Variants in KIF6 observed in about 807,000 individuals in gnomAD.
KIF6 encodes the protein kinesin family member 6.
Under a neutral mutation model 112.7 loss-of-function variants are expected in KIF6, and 106 were observed. The observed-to-expected ratio is 0.94, with a 90% CI of 0.80 to 1.11. The LOEUF is 1.11. KIF6 is among the 50% of genes least tolerant of loss of function. The pLI is 0.00. For missense variants in KIF6, 929 were observed against 964.0 expected, an observed-to-expected ratio of 0.96 and a Z score of 0.48; for synonymous variants, 339 against 339.9, an observed-to-expected ratio of 1.00 and a Z score of 0.03.
At chr6:39,436,213 G>GT (rs869156824) in intron 13 of KIF6, among the ~76,000 whole-genome samples, 13 of 151,458 alleles carry the variant, frequency 8.6e-5, no homozygotes, top group African/African-American at 2.2e-4. Flanking sequence ...AGGATTATTT[G>GT]TTTTTTTTCT....
chr6:39,623,166 T>C (rs578063890), intron 5 of KIF6, among the ~76,000 whole-genome samples: 1 of 152,358 alleles, frequency 6.6e-6, no homozygotes, highest in Non-Finnish European at 1.5e-5. Flanking sequence ...ATCTGTTTAA[T>C]TTAGAAGTAG....
At chr6:39,401,620 C>T (rs1008157138) in intron 15 of KIF6, among the ~76,000 whole-genome samples, 12 of 151,882 alleles carry the variant, frequency 7.9e-5, no homozygotes, top group Admixed American at 3.3e-4. Flanking sequence ...TGAGTCCTCC[C>T]GGGGCAGGGG....
At chr6:39,569,115 G>A (rs1254136495) in intron 10 of KIF6, among the ~76,000 whole-genome samples, 1 of 152,162 alleles carries the variant, frequency 6.6e-6, no homozygotes, top group Non-Finnish European at 1.5e-5. Context: ...TGTGGAGGAT[G>A]AGTCATGATT....
intron 3 of KIF6, among the ~76,000 whole-genome samples, chr6:39,677,177 T>C (rs1787194835): frequency 6.6e-6 from 1 of 152,094 alleles, no homozygotes; most frequent in Non-Finnish European, 1.5e-5. Context: ...ACCTATAATT[T>C]TGTAAAATAG....
intron 13 of KIF6, among the ~76,000 whole-genome samples, chr6:39,477,125 C>A (rs1317005987): frequency 6.6e-6 from 1 of 152,126 alleles, no homozygotes; most frequent in Non-Finnish European, 1.5e-5. Flanking sequence ...TGCTCAACCT[C>A]ACTCATAATA....
intron 15 of KIF6, among the ~76,000 whole-genome samples, chr6:39,393,560 G>C (rs137978668): frequency 5.9e-5 from 9 of 152,200 alleles, no homozygotes; most frequent in African/African-American, 1.9e-4. Context: ...AGCATAAAAT[G>C]TAAATAAAAT....
intron 5 of KIF6, among the ~76,000 whole-genome samples, chr6:39,616,746 T>C (rs1201171206): frequency 1.3e-5 from 2 of 152,184 alleles, no homozygotes; most frequent in African/African-American, 4.8e-5. Context: ...CCTTTGCTCA[T>C]AGAAGCCCAG....
At chr6:39,351,298 T>C (rs1764228337) in intron 19 of KIF6, among the ~76,000 whole-genome samples, 1 of 151,840 alleles carries the variant, frequency 6.6e-6, no homozygotes, top group South Asian at 2.1e-4. Context: ...GGTGCAGATC[T>C]TGGCTCACTA....
At chr6:39,665,220 A>G (rs1304120155) in intron 3 of KIF6, among the ~76,000 whole-genome samples, 1 of 152,228 alleles carries the variant, frequency 6.6e-6, no homozygotes, top group Non-Finnish European at 1.5e-5. Context: ...TCAGTTATCC[A>G]AAGAGCCAAA....
chr6:39,425,614 A>G (rs996217872), intron 14 of KIF6, among the ~76,000 whole-genome samples: 4 of 151,578 alleles, frequency 2.6e-5, no homozygotes, highest in Non-Finnish European at 4.4e-5. Flanking sequence ...GGCTGCCAAG[A>G]TTTCTCAAAG....
At chr6:39,572,621 G>C (rs1582164952) in intron 10 of KIF6, among the ~76,000 whole-genome samples, 1 of 149,056 alleles carries the variant, frequency 6.7e-6, no homozygotes, top group East Asian at 2.0e-4. Context: ...ATTTGGGTCA[G>C]GATACAATGC....
chr6:39,675,792 C>G, intron 3 of KIF6, among the ~76,000 whole-genome samples: 1 of 151,254 alleles, frequency 6.6e-6, no homozygotes, highest in Non-Finnish European at 1.5e-5. Context: ...AAAAAATGAC[C>G]AAGTAGAACT....
intron 14 of KIF6, among the ~76,000 whole-genome samples, chr6:39,428,413 G>T (rs888794717): frequency 6.6e-6 from 1 of 152,200 alleles, no homozygotes; most frequent in Non-Finnish European, 1.5e-5. Flanking sequence ...AAAAATTCAT[G>T]TCTTACAACA....
chr6:39,593,692 CT>C (rs1782076287), intron 7 of KIF6, among the ~76,000 whole-genome samples: 1 of 152,178 alleles, frequency 6.6e-6, no homozygotes. Context: ...ATTCATCCCC[CT>C]GGGCTGGAAC....
chr6:39,447,778 C>T (rs143758246), intron 13 of KIF6, among the ~76,000 whole-genome samples: 24 of 152,296 alleles, frequency 1.6e-4, no homozygotes, highest in South Asian at 2.1e-4. Context: ...TCTCAATTCC[C>T]CCACTTCCTG....
In KIF6 at chr6:39,587,863, C is replaced by T. The variant is rs77989218; in HGVS notation, c.847-1459G>A. Among the ~76,000 whole-genome samples the T allele has an allele frequency of 0.014, 2,075 of 152,302 alleles. 248 individuals carry two copies. In the East Asian group the frequency reaches 0.29, roughly 21 times the overall value. On this transcript the variant is annotated intron_variant, in intron 7 of 22. Coordinates refer to ENST00000287152, the MANE Select transcript of KIF6 (RefSeq NM_145027.6). The stretch of plus-strand genomic sequence containing the variant: ...TTTCATCTGGACAATTCCCATTCTG[C>T]ATGCCCACTACAGTCCTAAACTAAG...
At chr6:39,516,681 T>C (rs1777104063) in intron 13 of KIF6, among the ~76,000 whole-genome samples, 1 of 152,196 alleles carries the variant, frequency 6.6e-6, no homozygotes, top group Non-Finnish European at 1.5e-5. Context: ...GTATTACTTG[T>C]GAAATTTAAA....
At position 39,391,101 on chromosome 6, in the gene KIF6, C is replaced by T. The variant is rs905193496; in HGVS notation, c.1811-5429G>A. Among the ~76,000 whole-genome samples the T allele has an allele frequency of 8.5e-5, 13 of 152,188 alleles. 1 individual carries two copies. Among genetic ancestry groups the T allele is most frequent in the Non-Finnish European group, 1.8e-4 (12 of 68,030 alleles). On this transcript the variant is annotated intron_variant, in intron 15 of 22. Transcript: ENST00000287152. ...TGTATTGAGTCAGGAACTACCTCTT[C>T]TCACCATAGCAGTGGTGGATAAAAT...
chr6:39,598,627 A>G (rs1181173504), intron 6 of KIF6, among the ~76,000 whole-genome samples: 5 of 151,926 alleles, frequency 3.3e-5, no homozygotes. Context: ...CTATATATCT[A>G]TATATGCGCA....
Sources: gnomAD v4.1 joint callset for allele counts (sites outside exome capture counted in the v4.1 genomes callset) on GRCh38, gnomAD v4.1.1 for gene constraint, MANE v1.5 for transcripts, NCBI Gene and HGNC (gene_info 2026-07-23, HGNC 2026-07-21) for gene names.